The following VANGL1 variants were observed in gnomAD, a reference collection of about 807,000 sequenced individuals.
VANGL1 encodes vang-like protein 1.
A neutral mutation model predicts 48.4 loss-of-function variants in VANGL1; 18 were observed. The ratio of observed to expected loss-of-function variants is 0.37; its 90% CI spans 0.26 to 0.55. VANGL1 has a LOEUF of 0.55. Ranked by LOEUF, VANGL1 falls within the 20% of genes least tolerant of loss-of-function variation. The pLI, the probability that VANGL1 is intolerant of heterozygous loss-of-function variation, is 0.81. For missense variants in VANGL1, 667 were observed against 675.8 expected (o/e 0.99, Z 0.14); for synonymous variants, 257 against 261.8 (o/e 0.98, Z 0.18).
chr1:115,662,395 A>G (rs185502318), intron 3 of VANGL1, among the ~76,000 whole-genome samples: 1 of 152,332 alleles, frequency 6.6e-6, no homozygotes, highest in East Asian at 1.9e-4. Context: ...CAAATTTCAG[A>G]GGCAGAAACC....
At chr1:115,659,566 T>C in intron 2 of VANGL1, 75 bp from the exon 3 acceptor site, 1 of 1,563,968 alleles carries the variant, frequency 6.4e-7, no homozygotes, top group Non-Finnish European at 8.8e-7. Flanking sequence ...AAATTCAAAA[T>C]GATACTTACA....
chr1:115,682,490 T>C lies in VANGL1; in HGVS notation c.939T>C (p.Asn313=), dbSNP rs367774972. Residue 313 remains asparagine (N), a synonymous_variant, in exon 5 of 8, where the codon AAT becomes AAC. Coordinates refer to ENST00000355485, the MANE Select transcript of VANGL1 (RefSeq NM_138959.3). ...ATATGGCCGGGCTGAAAGTCTACAATGTAGATGGTATGTGCCTTGAAAGGG... is the reference window on the plus strand; with the variant it reads ...ATATGGCCGGGCTGAAAGTCTACAACGTAGATGGTATGTGCCTTGAAAGGG... ...AKHMAGLKVY[N]VDGPSNNATG... 3 of 1,614,156 alleles carry C rather than the reference T, an allele frequency of 1.9e-6. No homozygotes were observed. The highest frequency in any genetic ancestry group is 3.3e-5 in the Admixed American group (2 of 60,018).
chr1:115,660,289 T>G (rs935233601), intron 3 of VANGL1, among the ~76,000 whole-genome samples: 1 of 152,184 alleles, frequency 6.6e-6, no homozygotes, highest in African/African-American at 2.4e-5. Context: ...CAGCAATCTG[T>G]GCAGTGCCTC....
In VANGL1 at chr1:115,693,665, C is replaced by A. The variant is rs1174394271; in HGVS notation, c.*2286C>A. ...TATTGAGTTCTTTTTGAAAGAATAA[C>A]AAAATAAAATGCAGGATCTTTGTAA... On this transcript the variant is annotated 3_prime_UTR_variant, in exon 8 of 8. Coordinates refer to ENST00000355485, the MANE Select transcript of VANGL1 (RefSeq NM_138959.3). 6.6e-6 allele frequency: 1 copy of A among 152,048 alleles called. No individual in the cohort carries two copies. Among genetic ancestry groups the A allele is most frequent in the Admixed American group, 6.6e-5 (1 of 15,250 alleles). 9.4% of individuals were successfully genotyped at this position (152,048 alleles called of 1,614,324 possible). A position where few individuals can be genotyped will look rare whatever the true frequency, so the allele number is the denominator to read the frequency against.
intron 2 of VANGL1, among the ~76,000 whole-genome samples, chr1:115,651,901 C>T (rs906366276): frequency 8.5e-5 from 13 of 152,174 alleles, no homozygotes; most frequent in African/African-American, 2.4e-4. Context: ...AGACTACAGG[C>T]GCCCACCACC....
intron 5 of VANGL1, 101 bp from the exon 6 acceptor site, chr1:115,683,843 G>A: frequency 6.8e-7 from 1 of 1,470,516 alleles, no homozygotes; most frequent in Non-Finnish European, 9.4e-7. Context: ...GTGTTCCATA[G>A]GGGGTGGGTA....
Position 115,664,238 on chromosome 1 carries a change from A to G in VANGL1, c.782A>G (p.Glu261Gly). 2 of 1,614,116 alleles carry G rather than the reference A, an allele frequency of 1.2e-6. No homozygotes were observed. The highest frequency in any genetic ancestry group is 1.7e-6 in the Non-Finnish European group (2 of 1,180,014). The change falls in exon 4 of 8, where the codon GAG becomes GGG. Residue 261 changes from glutamate to glycine, a missense_variant. Coordinates refer to ENST00000355485, the MANE Select transcript of VANGL1 (RefSeq NM_138959.3). ...CAGGTGGTCCGCTCCACCGATGGCGAGTCCCGCTTCTACAGCCTGGGACAC... is the reference window on the plus strand; with the variant it reads ...CAGGTGGTCCGCTCCACCGATGGCGGGTCCCGCTTCTACAGCCTGGGACAC... ...TLQVVRSTDG[E>G]SRFYSLGHLS...
At chr1:115,666,964 G>A (rs866619326) in intron 4 of VANGL1, among the ~76,000 whole-genome samples, 5 of 152,202 alleles carry the variant, frequency 3.3e-5, no homozygotes, top group South Asian at 2.1e-4. Context: ...GCAGTGGCTG[G>A]AAGAGTTACT....
At chr1:115,669,701 T>C (rs1228171042) in intron 4 of VANGL1, among the ~76,000 whole-genome samples, 2 of 152,200 alleles carry the variant, frequency 1.3e-5, no homozygotes, top group East Asian at 3.8e-4. Context: ...CCCAGCCACA[T>C]GGAACTGTGA....
chr1:115,682,319 C>T (rs10754330), intron 4 of VANGL1, 45 bp from the exon 5 acceptor site: 14 of 1,610,776 alleles, frequency 8.7e-6, no homozygotes, highest in Non-Finnish European at 1.2e-5. Context: ...GGACCTGCTT[C>T]TTCAGTGAAA....
At chr1:115,652,506 A>T (rs988351185) in intron 2 of VANGL1, among the ~76,000 whole-genome samples, 3 of 152,220 alleles carry the variant, frequency 2.0e-5, no homozygotes, top group Non-Finnish European at 4.4e-5. Context: ...ATTAAATGAG[A>T]TTATGCATGT....
At chr1:115,669,810 G>C (rs1482681067) in intron 4 of VANGL1, among the ~76,000 whole-genome samples, 1 of 152,186 alleles carries the variant, frequency 6.6e-6, no homozygotes, top group African/African-American at 2.4e-5. Context: ...AATCAAAGAT[G>C]TGGTAACGAA....
At chr1:115,682,296 G>T in intron 4 of VANGL1, 68 bp from the exon 5 acceptor site, 1 of 1,598,944 alleles carries the variant, frequency 6.3e-7, no homozygotes, top group Non-Finnish European at 8.5e-7. Flanking sequence ...TCCAAAAGAG[G>T]ATTTTTCGTT....
intron 1 of VANGL1, among the ~76,000 whole-genome samples, chr1:115,645,039 G>A (rs1378208099): frequency 6.6e-6 from 1 of 152,134 alleles, no homozygotes; most frequent in African/African-American, 2.4e-5. Context: ...ATGTTTGGTG[G>A]TTTATAGGCC....
At chr1:115,658,065 A>G (rs1283050096) in intron 2 of VANGL1, among the ~76,000 whole-genome samples, 1 of 152,198 alleles carries the variant, frequency 6.6e-6, no homozygotes, top group Admixed American at 6.5e-5. Flanking sequence ...ACAATTGAGC[A>G]TGAGATTTGG....
rs1046378031 is a variant in VANGL1, at chr1:115,696,877, T to A, written c.*5498T>A. The stretch of plus-strand genomic sequence containing the variant: ...CCTTGTCATAGTGGAAGAAAGACAC[T>A]TACTTTAAGCTTTGGGGACAAAGGT... On this transcript the variant is annotated 3_prime_UTR_variant, in exon 8 of 8. Coordinates refer to ENST00000355485, the MANE Select transcript of VANGL1 (RefSeq NM_138959.3). 1 of 152,186 alleles carries A rather than the reference T, an allele frequency of 6.6e-6. No homozygotes were observed. Among genetic ancestry groups the A allele is most frequent in the African/African-American group, 2.4e-5 (1 of 41,446 alleles). 9.4% of individuals were successfully genotyped at this position (152,186 alleles called of 1,614,324 possible).
Position 115,664,266 on chromosome 1 carries a change from G to C in VANGL1, c.810G>C (p.Leu270=). Residue 270 remains leucine, a splice_region_variant and synonymous_variant, in exon 4 of 8, where the codon CTG becomes CTC. Transcript: ENST00000355485. ...GESRFYSLGH[L]SIQRAALVVL... ...CCCGCTTCTACAGCCTGGGACACCT[G>C]AGGTAAGAGGCAACATCCAGGAGGC... 1 of 1,613,672 alleles carries C rather than the reference G, an allele frequency of 6.2e-7. No homozygotes were observed. Among genetic ancestry groups the C allele is most frequent in the Non-Finnish European group, 8.5e-7 (1 of 1,179,954 alleles).
At chr1:115,660,545 A>C (rs895908445) in intron 3 of VANGL1, among the ~76,000 whole-genome samples, 1 of 152,186 alleles carries the variant, frequency 6.6e-6, no homozygotes, top group Non-Finnish European at 1.5e-5. Context: ...CCAGGTTCCA[A>C]CTGTCTGGCA....
Position 115,664,191 on chromosome 1 carries a change from G to A in VANGL1, c.735G>A (p.Gln245=). 6.2e-7 allele frequency: 1 copy of A among 1,614,068 alleles called. No homozygotes were observed. Among genetic ancestry groups the A allele is most frequent in the Non-Finnish European group, 8.5e-7 (1 of 1,179,940 alleles). The change falls in exon 4 of 8, where the codon CAG becomes CAA. Residue 245 remains glutamine (Q), a synonymous_variant. Transcript: ENST00000355485. ...YLAIVLLELR[Q]LQPMFTLQVV... Reference sequence around the variant, plus strand: ...CCATCGTCCTGCTGGAGCTCAGGCAGCTGCAGCCCATGTTCACGCTGCAGG... The same window carrying A: ...CCATCGTCCTGCTGGAGCTCAGGCAACTGCAGCCCATGTTCACGCTGCAGG...
Sources: gnomAD v4.1 joint callset for allele counts (sites outside exome capture counted in the v4.1 genomes callset) on GRCh38, gnomAD v4.1.1 for gene constraint, MANE v1.5 for transcripts, NCBI Gene and HGNC (gene_info 2026-07-23, HGNC 2026-07-21) for gene names.